The following ST7L variants were observed in gnomAD, a reference collection of about 807,000 sequenced individuals.
The protein encoded by ST7L is suppression of tumorigenicity 7 like.
A neutral mutation model predicts 72.5 loss-of-function variants in ST7L; 57 were observed. The ratio of observed to expected loss-of-function variants is 0.79; its 90% confidence interval spans 0.64 to 0.98. The LOEUF (loss-of-function observed/expected upper bound fraction) is 0.98. Ranked by LOEUF, ST7L falls within the 50% of genes least tolerant of loss-of-function variation. The pLI, the probability that ST7L is intolerant of heterozygous loss-of-function variation, is 0.00. For synonymous variants in ST7L, 221 were observed against 240.9 expected (o/e 0.92, Z 0.77); for missense variants, 576 against 672.2 (o/e 0.86, Z 1.58).
chr1:112,532,263 TTCTA>T (rs1395170345), intron 14 of ST7L, among the ~76,000 whole-genome samples: 1 of 152,216 alleles, frequency 6.6e-6, no homozygotes, highest in Non-Finnish European at 1.5e-5. Context: ...GAGAACATTT[TTCTA>T]TCTCACTGTG....
intron 5 of ST7L, among the ~76,000 whole-genome samples, chr1:112,595,718 C>T (rs1666387484): frequency 6.6e-6 from 1 of 152,144 alleles, no homozygotes; most frequent in East Asian, 1.9e-4. Flanking sequence ...TGTCCTTGGC[C>T]TATTTATGTA....
At chr1:112,562,329 T>C (rs1346201717) in intron 11 of ST7L, among the ~76,000 whole-genome samples, 3 of 152,152 alleles carry the variant, frequency 2.0e-5, no homozygotes, top group African/African-American at 7.2e-5. Context: ...GATATGTCTG[T>C]TTCCCAGTGT....
chr1:112,571,950 T>C (rs1414486858), intron 11 of ST7L, among the ~76,000 whole-genome samples: 2 of 152,198 alleles, frequency 1.3e-5, no homozygotes, highest in Non-Finnish European at 2.9e-5. Context: ...CCTTACTAAA[T>C]GTATTTCTGA....
At chr1:112,606,633 C>T (rs2983235) in intron 3 of ST7L, among the ~76,000 whole-genome samples, 20 of 152,194 alleles carry the variant, frequency 1.3e-4, no homozygotes, top group Non-Finnish European at 2.9e-4. Context: ...GTAACAAAAT[C>T]TGAGTTAGTC....
rs1285697442 is a variant in ST7L, at chr1:112,574,539, G to A, written c.1245+2447C>T. ...CCAGGCGTGGTGGCGGGCGCCTGCA[G>A]TCTCAGCTACTTGGGAGGCTGAGGC... On this transcript the variant is annotated intron_variant, in intron 11 of 14. Transcript: ENST00000358039. 2.6e-5 allele frequency among the ~76,000 whole-genome samples: 4 copies of A among 151,296 alleles called. No homozygotes were observed. In the East Asian group the frequency reaches 7.9e-4, roughly 30 times the overall value.
chr1:112,601,805 A>C (rs1667432661), intron 3 of ST7L, among the ~76,000 whole-genome samples: 1 of 151,810 alleles, frequency 6.6e-6, no homozygotes, highest in Non-Finnish European at 1.5e-5. Flanking sequence ...GAGGCCGGGC[A>C]TGGTAGCTCA....
intron 11 of ST7L, among the ~76,000 whole-genome samples, chr1:112,575,247 A>G (rs949040655): frequency 3.9e-5 from 6 of 152,186 alleles, no homozygotes; most frequent in South Asian, 2.1e-4. Flanking sequence ...AAGAAAAATA[A>G]AAGTTTACAG....
chr1:112,611,084 T>A, intron 2 of ST7L, 81 bp from the exon 3 acceptor site: 1 of 1,397,324 alleles, frequency 7.2e-7, no homozygotes, highest in African/African-American at 1.4e-5. Flanking sequence ...TCTCAAGATG[T>A]CCTGTTCAAT....
intron 11 of ST7L, among the ~76,000 whole-genome samples, chr1:112,573,174 C>A (rs1191465114): frequency 1.3e-5 from 2 of 151,690 alleles, no homozygotes; most frequent in Non-Finnish European, 1.5e-5. Context: ...TATGGAGAAA[C>A]CCCATCTCAA....
At chr1:112,520,350 C>T (rs371343411), downstream of ST7L, 14 of 1,614,038 alleles carry the variant, frequency 8.7e-6, no homozygotes, top group African/African-American at 1.7e-4. Flanking sequence ...AAATCATGTG[C>T]TGTGGCCGAG....
intron 1 of ST7L, 126 bp downstream of exon 1, chr1:112,618,783 C>A (rs925128089): frequency 1.3e-5 from 19 of 1,450,596 alleles, no homozygotes; most frequent in East Asian, 7.5e-5. Flanking sequence ...AAAGAACTCA[C>A]TTGATCGCTC....
intron 9 of ST7L, among the ~76,000 whole-genome samples, chr1:112,578,899 G>A (rs761381293): frequency 1.8e-4 from 28 of 152,162 alleles, no homozygotes; most frequent in Non-Finnish European, 2.8e-4. Flanking sequence ...GGAAAAACCC[G>A]TATATGAAGT....
intron 11 of ST7L, among the ~76,000 whole-genome samples, chr1:112,568,245 T>C (rs1031079276): frequency 2.0e-5 from 3 of 152,102 alleles, no homozygotes; most frequent in Non-Finnish European, 4.4e-5. Context: ...TGAAAATACA[T>C]GTAATAGTGG....
intron 5 of ST7L, among the ~76,000 whole-genome samples, chr1:112,596,621 C>T (rs1666517593): frequency 6.6e-6 from 1 of 152,030 alleles, no homozygotes. Context: ...TCTGTGACAT[C>T]TAGGCCATTC....
At position 112,523,835 on chromosome 1, in the gene ST7L, C is replaced by T. The variant is rs1000396298; in HGVS notation, c.*2178G>A. ...GCACATGACTGAAGTACCTCAGCTG[C>T]GCAGCCTGTAGCCAGTTTTTTTAAT... is the stretch of plus-strand genomic sequence containing the variant. On this transcript the variant is annotated 3_prime_UTR_variant, in exon 15 of 15. Coordinates refer to ENST00000358039, the MANE Select transcript of ST7L (RefSeq NM_017744.5). 2.0e-5 allele frequency: 3 copies of T among 152,032 alleles called. No individual in the cohort carries two copies. Among genetic ancestry groups the T allele is most frequent in the East Asian group, 1.9e-4 (1 of 5,202 alleles). 9.4% of individuals were successfully genotyped at this position (152,032 alleles called of 1,614,324 possible). A position where few individuals can be genotyped will look rare whatever the true frequency, so the allele number is the denominator to read the frequency against.
chr1:112,593,756 T>C (rs1375743366), intron 5 of ST7L, among the ~76,000 whole-genome samples: 2 of 152,210 alleles, frequency 1.3e-5, no homozygotes, highest in Non-Finnish European at 2.9e-5. Flanking sequence ...GTTTGTTCTC[T>C]GCCCTAGATA....
At chr1:112,554,383 G>A (rs541448815) in intron 12 of ST7L, among the ~76,000 whole-genome samples, 1 of 152,058 alleles carries the variant, frequency 6.6e-6, no homozygotes, top group African/African-American at 2.4e-5. Context: ...CTAATCATCA[G>A]AGAAATGCAA....
chr1:112,550,401 T>C (rs1338139498), intron 13 of ST7L, among the ~76,000 whole-genome samples, 200 bp downstream of exon 13: 1 of 152,212 alleles, frequency 6.6e-6, no homozygotes, highest in East Asian at 1.9e-4. Context: ...TGGTGTCCTT[T>C]GTTGCATCTA....
At chr1:112,585,167 T>C (rs1364274695) in intron 6 of ST7L, among the ~76,000 whole-genome samples, 1 of 152,216 alleles carries the variant, frequency 6.6e-6, no homozygotes, top group Admixed American at 6.5e-5. Context: ...AACTAATGCT[T>C]GTTTTGGGGC....
Sources: allele counts gnomAD v4.1 joint callset (sites outside exome capture counted in the v4.1 genomes callset), GRCh38; gene constraint gnomAD v4.1.1; transcripts MANE v1.5; gene names NCBI Gene and HGNC (gene_info 2026-07-23, HGNC 2026-07-21).